Variants in ARID1B observed in about 807,000 individuals in gnomAD.
ARID1B encodes AT-rich interactive domain-containing protein 1B.
A neutral mutation model predicts 212.3 loss-of-function variants in ARID1B; 30 were observed. The ratio of observed to expected loss-of-function variants is 0.14; its 90% CI spans 0.11 to 0.19. ARID1B has a LOEUF of 0.19. Ranked by LOEUF, ARID1B falls within the 10% of genes least tolerant of loss-of-function variation. The pLI is 1.00. For synonymous variants in ARID1B, 1,402 were observed against 1,301.7 expected (o/e 1.08, Z -1.66); for missense variants, 2,891 against 3,204.0 (o/e 0.90, Z 2.36).
intron 5 of ARID1B, among the ~76,000 whole-genome samples, chr6:157,106,747 G>A (rs1375347745): frequency 1.3e-5 from 2 of 152,170 alleles, no homozygotes; most frequent in Non-Finnish European, 2.9e-5. Context: ...TTACTCACCG[G>A]TGTTACTCAT....
intron 1 of ARID1B, among the ~76,000 whole-genome samples, chr6:156,792,485 T>C (rs543447342): frequency 1.3e-5 from 2 of 152,360 alleles, no homozygotes; most frequent in African/African-American, 4.8e-5. Flanking sequence ...TGGATTTTTA[T>C]TAGACAAAGC....
intron 5 of ARID1B, among the ~76,000 whole-genome samples, chr6:157,095,114 C>T (rs908152390): frequency 1.3e-5 from 2 of 152,134 alleles, no homozygotes; most frequent in African/African-American, 4.8e-5. Context: ...CAGCCTGCCT[C>T]AGCATCACTT....
chr6:156,799,461 C>T (rs1207833292), intron 1 of ARID1B, among the ~76,000 whole-genome samples: 2 of 152,166 alleles, frequency 1.3e-5, no homozygotes. Context: ...TTATTGCTTG[C>T]TTGCGCATTC....
At chr6:156,895,544 C>T (rs1276029021) in intron 2 of ARID1B, among the ~76,000 whole-genome samples, 2 of 152,168 alleles carry the variant, frequency 1.3e-5, no homozygotes, top group Non-Finnish European at 2.9e-5. Flanking sequence ...CCTGGGGTGT[C>T]CCCTCCTGCC....
rs1786973100 is a variant in ARID1B, at chr6:156,880,610, A to G, written c.1987-20766A>G. On this transcript the variant is annotated intron_variant, in intron 2 of 19. Coordinates refer to ENST00000636930, the MANE Select transcript of ARID1B (RefSeq NM_001374828.1). ...AAAGATTAGCTGGGCGTGGTGGCGC[A>G]TGCCTGTAATCCCAGCTACTTGGGA... Among the ~76,000 whole-genome samples, 8 of 152,102 alleles carry G rather than the reference A, an allele frequency of 5.3e-5. No homozygotes were observed. The South Asian group carries it at 1.2e-3, about 24-fold the overall frequency.
chr6:157,009,083 T>C (rs919576000), intron 4 of ARID1B, among the ~76,000 whole-genome samples: 2 of 152,202 alleles, frequency 1.3e-5, no homozygotes, highest in Non-Finnish European at 2.9e-5. Flanking sequence ...GCCTTTAAGA[T>C]ATTCTTCATA....
At chr6:157,162,831 C>T (rs948080039) in intron 8 of ARID1B, among the ~76,000 whole-genome samples, 6 of 152,078 alleles carry the variant, frequency 3.9e-5, no homozygotes, top group Admixed American at 1.3e-4. Flanking sequence ...GTGCATCTAC[C>T]GAATTATTGT....
chr6:157,174,961 G>A lies in ARID1B; in HGVS notation c.3460G>A (p.Asp1154Asn). Residue 1154 changes from aspartate (D) to asparagine (N), a missense_variant, in exon 11 of 20, where the codon GAT becomes AAT. By Grantham distance (23) the Asp-to-Asn change is conservative (BLOSUM62 1). Transcript: ENST00000636930. ...CTCCTCATTTCATGGAGATGAAAGT[G>A]ATAGCATTAGCAGCCCAGGCTGGCC... ...SISSFHGDES[D>N]SISSPGWPKT... 6.5e-7 allele frequency: 1 copy of A among 1,530,056 alleles called. No homozygotes were observed. The highest frequency in any genetic ancestry group is 8.8e-7 in the Non-Finnish European group (1 of 1,136,418). 94.8% of individuals were successfully genotyped at this position (1,530,056 alleles called of 1,614,324 possible). A position where few individuals can be genotyped will look rare whatever the true frequency, so the allele number is the denominator to read the frequency against.
chr6:157,112,956 T>C (rs1378597521), intron 6 of ARID1B, among the ~76,000 whole-genome samples: 2 of 151,582 alleles, frequency 1.3e-5, no homozygotes, highest in Non-Finnish European at 2.9e-5. Flanking sequence ...AGTTTCACTC[T>C]TGTTGCCCAG....
intron 1 of ARID1B, among the ~76,000 whole-genome samples, chr6:156,800,817 G>A (rs1436274603): frequency 3.3e-5 from 5 of 152,052 alleles, no homozygotes; most frequent in Admixed American, 1.3e-4. Context: ...TGAGGTGGAG[G>A]ATCACCTGAG....
chr6:157,043,502 T>C (rs1399055540), intron 4 of ARID1B, among the ~76,000 whole-genome samples: 1 of 152,226 alleles, frequency 6.6e-6, no homozygotes, highest in South Asian at 2.1e-4. Flanking sequence ...TACGTGGCAT[T>C]TTCCCCCATA....
In ARID1B at chr6:156,977,829, CA is replaced by C. The variant is rs527277012; in HGVS notation, c.2247+42254del. Among the ~76,000 whole-genome samples the C allele has an allele frequency of 3.3e-5, 5 of 152,286 alleles. No individual in the cohort carries two copies. In the South Asian group the frequency reaches 1.0e-3, roughly 32 times the overall value. ...CTTGAACTTTAGTCTGGGACCCAGG[CA>C]TATTACTTGGAAACAGCTTGATCCT... On this transcript the variant is annotated intron_variant, in intron 4 of 19. Coordinates refer to ENST00000636930, the MANE Select transcript of ARID1B (RefSeq NM_001374828.1).
At chr6:157,103,552 A>C (rs532252192) in intron 5 of ARID1B, among the ~76,000 whole-genome samples, 1 of 152,310 alleles carries the variant, frequency 6.6e-6, no homozygotes, top group East Asian at 1.9e-4. Context: ...ACATTACTGG[A>C]TGTGTGCTAA....
chr6:156,935,770 A>G (rs966062447), intron 4 of ARID1B, 194 bp downstream of exon 4: 5 of 522,916 alleles, frequency 9.6e-6, no homozygotes, highest in Non-Finnish European at 1.7e-5. Flanking sequence ...TTTCATGTGT[A>G]TATATCTCTG....
intron 2 of ARID1B, among the ~76,000 whole-genome samples, chr6:156,853,914 G>A (rs986850611): frequency 6.6e-6 from 1 of 152,004 alleles, no homozygotes; most frequent in African/African-American, 2.4e-5. Context: ...TTCATTTTTT[G>A]TGGAGATGGG....
intron 3 of ARID1B, among the ~76,000 whole-genome samples, chr6:156,919,988 C>T (rs897626666): frequency 2.6e-5 from 4 of 152,220 alleles, no homozygotes; most frequent in South Asian, 4.1e-4. Context: ...CCCTCTCTCC[C>T]GCCAGAGGAG....
chr6:157,072,391 G>A (rs1192794965), intron 4 of ARID1B: 1 of 152,052 alleles, frequency 6.6e-6, no homozygotes, highest in African/African-American at 2.4e-5. Context: ...AATAACTACT[G>A]TTAATATTTT....
At chr6:157,118,436 A>T (rs1440341969) in intron 6 of ARID1B, among the ~76,000 whole-genome samples, 1 of 152,248 alleles carries the variant, frequency 6.6e-6, no homozygotes, top group Non-Finnish European at 1.5e-5. Flanking sequence ...GTGTAAGTTT[A>T]TAGATCACCC....
chr6:156,935,632 A>G, intron 4 of ARID1B, 56 bp downstream of exon 4: 2 of 1,446,422 alleles, frequency 1.4e-6, no homozygotes, highest in Non-Finnish European at 1.9e-6. Context: ...TTTTAGAAAG[A>G]GCTGTTGTTT....
Sources: gnomAD v4.1 joint callset for allele counts (sites outside exome capture counted in the v4.1 genomes callset) on GRCh38, gnomAD v4.1.1 for gene constraint, MANE v1.5 for transcripts, NCBI Gene and HGNC (gene_info 2026-07-23, HGNC 2026-07-21) for gene names.